The following NOX4 variants were observed in gnomAD, a reference collection of about 807,000 sequenced individuals.
NOX4 encodes the protein kidney oxidase-1.
A neutral mutation model predicts 87.6 loss-of-function variants in NOX4; 69 were observed. The ratio of observed to expected loss-of-function variants is 0.79; its 90% confidence interval spans 0.65 to 0.96. The LOEUF (loss-of-function observed/expected upper bound fraction) is 0.96. Ranked by LOEUF, NOX4 falls within the 40% of genes least tolerant of loss-of-function variation. NOX4 has a pLI of 0.00. For missense variants in NOX4, 680 were observed against 681.5 expected (o/e 1.00, Z 0.02); for synonymous variants, 275 against 238.2 (o/e 1.15, Z -1.42).
chr11:89,521,835 G>A, the NOX4 span, among the ~76,000 whole-genome samples: 1 of 151,820 alleles, frequency 6.6e-6, no homozygotes, highest in Non-Finnish European at 1.5e-5. Flanking sequence ...AACTGAACAA[G>A]CAAAAAACAA....
chr11:89,418,459 A>AATAATAATG (rs1942912088), intron 8 of NOX4, among the ~76,000 whole-genome samples: 1 of 143,734 alleles, frequency 7.0e-6, no homozygotes, highest in Non-Finnish European at 1.5e-5. Flanking sequence ...TAATAATAAT[A>AATAATAATG]ATAAATTTAC....
the NOX4 span, among the ~76,000 whole-genome samples, chr11:89,559,890 G>A: frequency 5.2e-3 from 790 of 152,176 alleles, 4 homozygotes; most frequent in African/African-American, 0.01. Context: ...AGCTTGATAC[G>A]TTAAACCCAT....
chr11:89,410,031 G>A (rs1190378653), intron 8 of NOX4, among the ~76,000 whole-genome samples: 2 of 151,398 alleles, frequency 1.3e-5, no homozygotes, highest in Admixed American at 6.6e-5. Flanking sequence ...AGACCAGCCT[G>A]AGCAACACAG....
At position 89,474,848 on chromosome 11, in the gene NOX4, G is replaced by A. The variant is rs151244602; in HGVS notation, c.153+15610C>T. Among the ~76,000 whole-genome samples, 234 of 151,786 alleles carry A rather than the reference G, an allele frequency of 1.5e-3. 1 individual carries two copies. Among genetic ancestry groups the A allele is most frequent in the African/African-American group, 3.5e-3 (143 of 41,448 alleles). ...CAAGAATTCAATGGATAAATAAGCC[G>A]TACAAAGTCACAATAAAAGAAATTA... On this transcript the variant is annotated intron_variant, in intron 2 of 17. Transcript: ENST00000263317.
chr11:89,541,173 T>G, the NOX4 span, among the ~76,000 whole-genome samples: 1 of 152,166 alleles, frequency 6.6e-6, no homozygotes, highest in African/African-American at 2.4e-5. Flanking sequence ...TTTCTCCATA[T>G]TATATTTTAT....
At chr11:89,490,065 A>T (rs1946790937) in intron 2 of NOX4, among the ~76,000 whole-genome samples, 1 of 152,202 alleles carries the variant, frequency 6.6e-6, no homozygotes, top group Non-Finnish European at 1.5e-5. Context: ...ACAGTGCAGA[A>T]ATCCTCTGGA....
chr11:89,334,097 T>C (rs1945597807), intron 17 of NOX4, among the ~76,000 whole-genome samples: 1 of 151,752 alleles, frequency 6.6e-6, no homozygotes, highest in Non-Finnish European at 1.5e-5. Context: ...ATTTGGTTTC[T>C]GAATTCAGCC....
chr11:89,573,118 A>T, the NOX4 span, among the ~76,000 whole-genome samples: 2 of 152,190 alleles, frequency 1.3e-5, no homozygotes, highest in Non-Finnish European at 1.5e-5. Flanking sequence ...GCATTTTAAA[A>T]TTTATTTTAA....
At chr11:89,338,061 GA>G (rs199924065) in intron 15 of NOX4, among the ~76,000 whole-genome samples, 9,833 of 151,942 alleles carry the variant, frequency 0.065, 417 homozygotes, top group Non-Finnish European at 0.093. Flanking sequence ...AAATAGTCTA[GA>G]AAAAAATATG....
At chr11:89,470,917 GC>G (rs1229707068) in intron 2 of NOX4, among the ~76,000 whole-genome samples, 2 of 152,070 alleles carry the variant, frequency 1.3e-5, no homozygotes. Context: ...TCAGACTGCT[GC>G]TATCCCTTCT....
chr11:89,460,110 G>A (rs953774828), intron 2 of NOX4, among the ~76,000 whole-genome samples: 13 of 152,184 alleles, frequency 8.5e-5, no homozygotes, highest in African/African-American at 2.7e-4. Flanking sequence ...CTAGCCATAT[G>A]TAGAAAGCTG....
At chr11:89,428,246 T>A (rs1194815447) in intron 7 of NOX4, among the ~76,000 whole-genome samples, 1 of 151,974 alleles carries the variant, frequency 6.6e-6, no homozygotes, top group Non-Finnish European at 1.5e-5. Flanking sequence ...GAACAACCGG[T>A]ACCAGCCACA....
chr11:89,564,707 C>T, the NOX4 span, among the ~76,000 whole-genome samples: 1 of 151,018 alleles, frequency 6.6e-6, no homozygotes, highest in Non-Finnish European at 1.5e-5. Context: ...TTTTGGTTTT[C>T]TAATTTTGGA....
the NOX4 span, among the ~76,000 whole-genome samples, chr11:89,516,393 C>T: frequency 6.6e-6 from 1 of 152,042 alleles, no homozygotes; most frequent in African/African-American, 2.4e-5. Flanking sequence ...CAAAGAAAAA[C>T]ACTGTCAAGG....
chr11:89,379,714 C>G (rs541589520), intron 11 of NOX4, among the ~76,000 whole-genome samples: 5 of 152,296 alleles, frequency 3.3e-5, no homozygotes, highest in African/African-American at 1.2e-4. Context: ...ACTCTGGGGT[C>G]AGCCTTGACT....
chr11:89,537,024 G>C, the NOX4 span, among the ~76,000 whole-genome samples: 3 of 152,280 alleles, frequency 2.0e-5, no homozygotes, highest in African/African-American at 7.2e-5. Context: ...GCCCACTTCT[G>C]AAAGTAACAA....
chr11:89,568,131 C>T, the NOX4 span, among the ~76,000 whole-genome samples: 1 of 152,168 alleles, frequency 6.6e-6, no homozygotes. Context: ...CTCAAGAGTG[C>T]TCAGCTGAGC....
At chr11:89,404,651 C>A (rs1203518925) in intron 8 of NOX4, among the ~76,000 whole-genome samples, 1 of 151,830 alleles carries the variant, frequency 6.6e-6, no homozygotes, top group Non-Finnish European at 1.5e-5. Context: ...GAAATAATAC[C>A]CCAGTGTCAC....
chr11:89,477,676 A>C (rs553469700), intron 2 of NOX4, among the ~76,000 whole-genome samples: 1 of 152,296 alleles, frequency 6.6e-6, no homozygotes. Context: ...ATATCAAAAA[A>C]GTTTTTAAAA....
Sources: gnomAD v4.1 joint callset for allele counts (sites outside exome capture counted in the v4.1 genomes callset) on GRCh38, gnomAD v4.1.1 for gene constraint, MANE v1.5 for transcripts, NCBI Gene and HGNC (gene_info 2026-07-23, HGNC 2026-07-21) for gene names.